ZNF532: variants seen among roughly 807,000 people sequenced by gnomAD.
The protein encoded by ZNF532 is zinc finger protein 532.
Under a neutral mutation model 89.3 loss-of-function variants are expected in ZNF532, and 22 were observed. The ratio of observed to expected loss-of-function variants is 0.25; its 90% CI spans 0.18 to 0.35. The LOEUF is 0.35. Among genes scored for constraint, ZNF532 ranks in the 10% least tolerant of loss-of-function variants. ZNF532 has a pLI of 1.00. For missense variants in ZNF532, 1,132 were observed against 1,643.4 expected (o/e 0.69, Z 5.38); for synonymous variants, 606 against 649.6 (o/e 0.93, Z 1.02).
intron 7 of ZNF532, among the ~76,000 whole-genome samples, chr18:58,965,086 A>G (rs2065790785): frequency 6.6e-6 from 1 of 151,726 alleles, no homozygotes; most frequent in South Asian, 2.1e-4. Flanking sequence ...GGTTTACTAT[A>G]TGTAGTTTTC....
chr18:58,901,842 T>A (rs1208456072), intron 2 of ZNF532, among the ~76,000 whole-genome samples: 1 of 152,148 alleles, frequency 6.6e-6, no homozygotes. Context: ...CCCACCCTGC[T>A]CTCACAGCCT....
At chr18:58,877,533 T>C (rs2057530003) in intron 2 of ZNF532, among the ~76,000 whole-genome samples, 1 of 152,254 alleles carries the variant, frequency 6.6e-6, no homozygotes, top group Admixed American at 6.5e-5. Flanking sequence ...CCCATCTCTC[T>C]ACAAGAAAGT....
At chr18:58,942,307 C>G (rs1048857342) in intron 5 of ZNF532, among the ~76,000 whole-genome samples, 7 of 139,126 alleles carry the variant, frequency 5.0e-5, no homozygotes, top group Admixed American at 1.5e-4. Flanking sequence ...CAGGCGTGAG[C>G]CACCGCGCCT....
upstream of ZNF532, chr18:58,862,983 G>C (rs1349430935): frequency 1.3e-5 from 2 of 152,312 alleles, no homozygotes; most frequent in East Asian, 1.9e-4. Context: ...AACCAGAGGA[G>C]AGCCCCTTCT....
intron 8 of ZNF532, 178 bp from the exon 9 acceptor site, chr18:58,981,292 G>A (rs757290499): frequency 3.4e-5 from 25 of 735,232 alleles, no homozygotes; most frequent in Non-Finnish European, 4.7e-5. Context: ...ATCTAGACCT[G>A]TAAATTAAGG....
intron 2 of ZNF532, among the ~76,000 whole-genome samples, chr18:58,880,769 C>CGTGTGTGTGTGTGTGTGTGTGTGTGT (rs1188960384): frequency 7.6e-6 from 1 of 131,108 alleles, no homozygotes; most frequent in Non-Finnish European, 1.6e-5. Flanking sequence ...CGCACGCGCG[C>CGTGTGTGTGTGTGTGTGTGTGTGTGT]GCGTCTGTGT....
intron 2 of ZNF532, among the ~76,000 whole-genome samples, chr18:58,888,901 A>AT (rs1310921600): frequency 1.3e-4 from 11 of 83,294 alleles, no homozygotes; most frequent in Admixed American, 4.0e-4. Context: ...TTATATATAT[A>AT]TATATATATA....
Position 58,942,244 on chromosome 18 carries a change from G to A in ZNF532, c.2705+2623G>A, listed in dbSNP as rs868432805. ...TCACCGTGTTAGCCAGGATGGTCTC[G>A]AACTCCTGACCTCGTGATCCGCCCA... On this transcript the variant is annotated intron_variant, in intron 5 of 9. Coordinates refer to ENST00000591808, the MANE Select transcript of ZNF532 (RefSeq NM_001375912.1). Among the ~76,000 whole-genome samples the A allele has an allele frequency of 2.6e-3, 386 of 149,726 alleles. 2 individuals are homozygous for A. In the Middle Eastern group the frequency reaches 0.036, roughly 14 times the overall value.
intron 7 of ZNF532, among the ~76,000 whole-genome samples, chr18:58,956,910 A>G (rs539696899): frequency 1.3e-5 from 2 of 152,302 alleles, no homozygotes; most frequent in South Asian, 2.1e-4. Context: ...GGAAAATTCA[A>G]CCACTCTTAT....
chr18:58,953,442 T>C (rs2064427040), intron 6 of ZNF532, 76 bp from the exon 7 acceptor site: 1 of 1,301,250 alleles, frequency 7.7e-7, no homozygotes. Context: ...GTGTACCACA[T>C]GTTAAGATAG....
chr18:58,864,757 G>A (rs1779937351), upstream of ZNF532: 1 of 152,220 alleles, frequency 6.6e-6, no homozygotes, highest in African/African-American at 2.4e-5. Context: ...TGATTTTCAG[G>A]GACTTGTTGG....
chr18:58,966,008 G>GAACC (rs2065884911), intron 7 of ZNF532, among the ~76,000 whole-genome samples: 1 of 152,188 alleles, frequency 6.6e-6, no homozygotes, highest in Non-Finnish European at 1.5e-5. Context: ...TTTGAGTCTG[G>GAACC]TTATGGGGGT....
chr18:58,896,277 A>C (rs1373507686), intron 2 of ZNF532: 1 of 152,140 alleles, frequency 6.6e-6, no homozygotes, highest in Non-Finnish European at 1.5e-5. Flanking sequence ...TGTACAGTTC[A>C]GTGAGATGAA....
Position 58,939,629 on chromosome 18 carries a change from A to G in ZNF532, c.2705+8A>G, listed in dbSNP as rs185057942. 8.0e-4 allele frequency: 1,279 copies of G among 1,606,382 alleles called. 2 individuals carry two copies. Among genetic ancestry groups the G allele is most frequent in the Non-Finnish European group, 9.2e-4 (1,085 of 1,176,996 alleles). ...CAAGATAGGAGAACCAAAGTAAGTC[A>G]TACCGACTTTCAAGTTTTACTCCAC... On this transcript the variant is annotated splice_region_variant and intron_variant, in intron 5 of 9. Coordinates refer to ENST00000591808, the MANE Select transcript of ZNF532 (RefSeq NM_001375912.1).
chr18:58,975,198 G>A (rs1017201285), intron 7 of ZNF532, among the ~76,000 whole-genome samples: 5 of 152,138 alleles, frequency 3.3e-5, no homozygotes, highest in Admixed American at 2.0e-4. Flanking sequence ...GTGAGCTGAA[G>A]GGCATGTGTC....
At chr18:58,960,023 C>T (rs1206999600) in intron 7 of ZNF532, among the ~76,000 whole-genome samples, 1 of 152,182 alleles carries the variant, frequency 6.6e-6, no homozygotes, top group Non-Finnish European at 1.5e-5. Context: ...ACTGCAACCT[C>T]CACCTCCCAG....
intron 2 of ZNF532, among the ~76,000 whole-genome samples, chr18:58,898,754 T>C (rs768163206): frequency 6.6e-6 from 1 of 152,204 alleles, no homozygotes; most frequent in African/African-American, 2.4e-5. Flanking sequence ...TCCCCAAAAC[T>C]GTACCATCTG....
In ZNF532 at chr18:58,921,152, T is replaced by C. The variant is rs192442121; in HGVS notation, c.2346+519T>C. Among the ~76,000 whole-genome samples, 365 of 151,750 alleles carry C rather than the reference T, an allele frequency of 2.4e-3. 3 individuals carry two copies. Among genetic ancestry groups the C allele is most frequent in the African/African-American group, 8.0e-3 (330 of 41,190 alleles). The stretch of plus-strand genomic sequence containing the variant: ...ATCTTATTTTAGTAAAACGAGTTTT[T>C]TGAGGGGAGGATAATATATATATAC... On this transcript the variant is annotated intron_variant, in intron 3 of 9. Coordinates refer to ENST00000591808, the MANE Select transcript of ZNF532 (RefSeq NM_001375912.1).
intron 4 of ZNF532, 34 bp downstream of exon 4, chr18:58,934,648 C>G (rs1179390554): frequency 1.3e-6 from 2 of 1,591,670 alleles, no homozygotes; most frequent in South Asian, 2.3e-5. Context: ...GCAAGTAAAA[C>G]TCGTTCACTT....
Sources: gnomAD v4.1 joint callset for allele counts (sites outside exome capture counted in the v4.1 genomes callset) on GRCh38, gnomAD v4.1.1 for gene constraint, MANE v1.5 for transcripts, NCBI Gene and HGNC (gene_info 2026-07-23, HGNC 2026-07-21) for gene names.